The following C21orf91 variants were observed in gnomAD, a reference collection of about 807,000 sequenced individuals.
The protein encoded by C21orf91 is chromosome 21 open reading frame 91, also known as protein EURL homolog.
Under a neutral mutation model 32.9 loss-of-function variants are expected in C21orf91, and 26 were observed. The observed-to-expected ratio is 0.79, with a 90% CI of 0.58 to 1.10. C21orf91 has a LOEUF of 1.10. Ranked by LOEUF, C21orf91 falls within the 50% of genes least tolerant of loss-of-function variation. C21orf91 has a pLI of 0.00. For synonymous variants in C21orf91, 126 were observed against 120.4 expected, an observed-to-expected ratio of 1.05 and a Z score of -0.31; for missense variants, 310 against 341.3, an observed-to-expected ratio of 0.91 and a Z score of 0.72.
intron 2 of C21orf91, among the ~76,000 whole-genome samples, chr21:17,804,936 T>C (rs2062585306): frequency 6.6e-6 from 1 of 152,180 alleles, no homozygotes; most frequent in Non-Finnish European, 1.5e-5. Flanking sequence ...AGTTGGAAAG[T>C]TGGGGAAACA....
chr21:17,818,109 A>G, intron 2 of C21orf91, 83 bp downstream of exon 2: 1 of 902,300 alleles, frequency 1.1e-6, no homozygotes, highest in Non-Finnish European at 1.7e-6. Flanking sequence ...ATCATTGAAG[A>G]CATTTTAGTT....
At chr21:17,798,775 TTAAG>T (rs1460151635) in intron 2 of C21orf91, among the ~76,000 whole-genome samples, 1 of 152,222 alleles carries the variant, frequency 6.6e-6, no homozygotes, top group Non-Finnish European at 1.5e-5. Flanking sequence ...CTCTGCTTTA[TTAAG>T]TTTTATTATT....
chr21:17,813,629 T>G (rs1381618819), intron 2 of C21orf91, among the ~76,000 whole-genome samples: 1 of 152,248 alleles, frequency 6.6e-6, no homozygotes, highest in Admixed American at 6.5e-5. Flanking sequence ...TGAATGTCTC[T>G]TATCTGAAAT....
intron 2 of C21orf91, 92 bp from the exon 3 acceptor site, chr21:17,797,210 C>T (rs2062526470): frequency 1.3e-6 from 1 of 745,230 alleles, no homozygotes; most frequent in Non-Finnish European, 2.2e-6. Context: ...AATCAGAGTC[C>T]CTGATAGTCT....
intron 2 of C21orf91, chr21:17,811,440 A>G (rs937860529): frequency 6.6e-5 from 10 of 152,348 alleles, no homozygotes; most frequent in African/African-American, 2.2e-4. Context: ...CACTTCCTCT[A>G]AAGTAGAGAT....
At chr21:17,801,554 GC>G (rs1179793530) in intron 2 of C21orf91, among the ~76,000 whole-genome samples, 2 of 152,106 alleles carry the variant, frequency 1.3e-5, no homozygotes, top group Non-Finnish European at 1.5e-5. Flanking sequence ...ACAGGCTTGA[GC>G]CACCGTGCCC....
intron 2 of C21orf91, chr21:17,810,907 ACT>A (rs902750676): frequency 4.6e-5 from 7 of 151,972 alleles, no homozygotes; most frequent in African/African-American, 1.7e-4. Context: ...GCATCACCCC[ACT>A]CTCTTAGGTC....
chr21:17,795,397 C>T (rs921152045), intron 3 of C21orf91, 127 bp from the exon 4 acceptor site: 37 of 678,576 alleles, frequency 5.5e-5, no homozygotes, highest in Non-Finnish European at 9.2e-5. Flanking sequence ...CAGCAGTACT[C>T]CAGTATTCAA....
chr21:17,798,520 CTTG>C (rs971982385), intron 2 of C21orf91, among the ~76,000 whole-genome samples: 1 of 152,112 alleles, frequency 6.6e-6, no homozygotes, highest in African/African-American at 2.4e-5. Flanking sequence ...ATATCTGAGC[CTTG>C]TTTTTTCCAA....
chr21:17,815,394 A>C (rs893090316), intron 2 of C21orf91, among the ~76,000 whole-genome samples: 12 of 152,192 alleles, frequency 7.9e-5, no homozygotes, highest in African/African-American at 2.7e-4. Context: ...AATTTACACT[A>C]AACTAGTAAA....
chr21:17,818,045 A>G (rs2062676297), intron 2 of C21orf91, 147 bp downstream of exon 2: 1 of 507,004 alleles, frequency 2.0e-6, no homozygotes, highest in Admixed American at 3.7e-5. Flanking sequence ...CTTCATTTCC[A>G]GAAACCTTAT....
At chr21:17,794,424 C>G (rs1452238818) in intron 4 of C21orf91, among the ~76,000 whole-genome samples, 1 of 152,108 alleles carries the variant, frequency 6.6e-6, no homozygotes, top group Non-Finnish European at 1.5e-5. Flanking sequence ...AAAAAGTTAT[C>G]TCTTTTAGAG....
chr21:17,796,024 G>T (rs917237140), intron 3 of C21orf91, among the ~76,000 whole-genome samples: 1 of 152,188 alleles, frequency 6.6e-6, no homozygotes, highest in Non-Finnish European at 1.5e-5. Flanking sequence ...TCAAGAAGTT[G>T]TATAACAAGA....
At position 17,793,414 on chromosome 21, in the gene C21orf91, G is replaced by C; in HGVS notation, c.*1C>G. 1 of 1,600,106 alleles carries C rather than the reference G, an allele frequency of 6.2e-7. No individual in the cohort carries two copies. Among genetic ancestry groups the C allele is most frequent in the Non-Finnish European group, 8.5e-7 (1 of 1,170,440 alleles). On this transcript the variant is annotated 3_prime_UTR_variant, in exon 5 of 5. Coordinates refer to ENST00000284881, the MANE Select transcript of C21orf91 (RefSeq NM_001100420.2). ...GGGCATACGAAGTAAGTCTGTTTAG[G>C]TCAGTTGTTTATGGGTAGGTGCGAC...
rs1490432668 is a variant in C21orf91 at position 17,790,518 on chromosome 21, AAAT to A, written c.*2894_*2896del. On this transcript the variant is annotated 3_prime_UTR_variant, in exon 5 of 5. Coordinates refer to ENST00000284881, the MANE Select transcript of C21orf91 (RefSeq NM_001100420.2). The stretch of plus-strand genomic sequence containing the variant: ...CACTAACATGAACTTGACATTGAAA[AAAT>A]AATCCTTAAATGTATATAAAAATGG... The A allele has an allele frequency of 6.6e-6, 1 of 152,116 alleles. No homozygotes were observed. The highest frequency in any genetic ancestry group is 1.5e-5 in the Non-Finnish European group (1 of 67,938). 9.4% of individuals were successfully genotyped at this position (152,116 alleles called of 1,614,324 possible).
rs1403950780 is a variant in C21orf91, at chr21:17,789,748, C to T, written c.*3667G>A. ...AAATACTGAGATGCAAGCATTATAGCCCTCCTCCAAGTTACCTTTATTTTG... is the reference window on the plus strand; with the variant it reads ...AAATACTGAGATGCAAGCATTATAGTCCTCCTCCAAGTTACCTTTATTTTG... On this transcript the variant is annotated 3_prime_UTR_variant, in exon 5 of 5. Transcript: ENST00000284881. The T allele has an allele frequency of 6.6e-6, 1 of 151,982 alleles. No individual in the cohort carries two copies. Among genetic ancestry groups the T allele is most frequent in the Non-Finnish European group, 1.5e-5 (1 of 67,948 alleles). The allele number at this position is 151,982 out of a possible 1,614,324, so 9.4% of individuals were successfully genotyped here.
At chr21:17,818,356 A>G (rs757689929) in intron 1 of C21orf91, 31 bp from the exon 2 acceptor site, 16 of 1,575,234 alleles carry the variant, frequency 1.0e-5, no homozygotes, top group Non-Finnish European at 1.4e-5. Flanking sequence ...AAAGTTACAC[A>G]ATTTCATGAA....
intron 2 of C21orf91, among the ~76,000 whole-genome samples, chr21:17,801,331 T>C (rs932761399): frequency 7.3e-5 from 11 of 151,596 alleles, no homozygotes; most frequent in African/African-American, 2.4e-4. Context: ...AGTGCAGTGG[T>C]GCGATCTCGG....
At position 17,790,968 on chromosome 21, in the gene C21orf91, G is replaced by C. The variant is rs1030295148; in HGVS notation, c.*2447C>G. On this transcript the variant is annotated 3_prime_UTR_variant, in exon 5 of 5. Coordinates refer to ENST00000284881, the MANE Select transcript of C21orf91 (RefSeq NM_001100420.2). ...AGTCTGTTTTGCCACTTTTTAAACA[G>C]TAGTACATGAGATATGCTTCAAAAC... 1 of 152,062 alleles carries C rather than the reference G, an allele frequency of 6.6e-6. No individual in the cohort carries two copies. Among genetic ancestry groups the C allele is most frequent in the Non-Finnish European group, 1.5e-5 (1 of 67,942 alleles). 9.4% of individuals were successfully genotyped at this position (152,062 alleles called of 1,614,324 possible).
Sources: allele counts gnomAD v4.1 joint callset (sites outside exome capture counted in the v4.1 genomes callset), GRCh38; gene constraint gnomAD v4.1.1; transcripts MANE v1.5; gene names NCBI Gene and HGNC (gene_info 2026-07-23, HGNC 2026-07-21).